The following DLG2 variants were observed in gnomAD, a reference collection of about 807,000 sequenced individuals.
DLG2 encodes discs large MAGUK scaffold protein 2.
A neutral mutation model predicts 132.5 loss-of-function variants in DLG2; 45 were observed. The observed-to-expected ratio is 0.34, with a 90% CI of 0.27 to 0.44. The LOEUF (loss-of-function observed/expected upper bound fraction) is 0.44, where lower values mean the gene tolerates loss of function less well. Among genes scored for constraint, DLG2 ranks in the 20% least tolerant of loss-of-function variants. The pLI is 1.00. For synonymous variants in DLG2, 424 were observed against 419.6 expected, an observed-to-expected ratio of 1.01 and a Z score of -0.13; for missense variants, 1,045 against 1,196.9, an observed-to-expected ratio of 0.87 and a Z score of 1.87.
chr11:84,098,817 T>C, intron 10 of DLG2, 106 bp downstream of exon 10: 2 of 1,338,202 alleles, frequency 1.5e-6, no homozygotes, highest in Non-Finnish European at 2.0e-6. Flanking sequence ...AAAATCTCTT[T>C]CAAGTACAGA....
chr11:85,071,352 A>G (rs1259206877), intron 6 of DLG2, among the ~76,000 whole-genome samples: 1 of 151,886 alleles, frequency 6.6e-6, no homozygotes, highest in Non-Finnish European at 1.5e-5. Flanking sequence ...AAGCCAACCC[A>G]GACAAAATGA....
chr11:84,714,641 C>CTT (rs1446736393), intron 6 of DLG2, among the ~76,000 whole-genome samples: 56 of 135,060 alleles, frequency 4.1e-4, no homozygotes, highest in African/African-American at 1.7e-3. Flanking sequence ...CTCTCTCTCT[C>CTT]TCTCTTTCTC....
chr11:84,273,327 A>AC, intron 7 of DLG2: 2 of 1,384,220 alleles, frequency 1.4e-6, no homozygotes, highest in Non-Finnish European at 1.9e-6. Flanking sequence ...AAAAAAAAAA[A>AC]AACCCTGCAG....
intron 6 of DLG2, among the ~76,000 whole-genome samples, chr11:85,001,015 C>G (rs1408733526): frequency 6.6e-6 from 1 of 152,098 alleles, no homozygotes; most frequent in Non-Finnish European, 1.5e-5. Flanking sequence ...GAACCCCATG[C>G]ATTTTTAGCA....
At chr11:85,056,701 A>T (rs2063498941) in intron 6 of DLG2, among the ~76,000 whole-genome samples, 1 of 151,920 alleles carries the variant, frequency 6.6e-6, no homozygotes, top group East Asian at 1.9e-4. Flanking sequence ...CAAAACATAC[A>T]ATAATCAAAT....
At chr11:84,875,777 C>T (rs2086251882) in intron 6 of DLG2, among the ~76,000 whole-genome samples, 1 of 152,090 alleles carries the variant, frequency 6.6e-6, no homozygotes, top group Non-Finnish European at 1.5e-5. Context: ...ACTTTTGTCG[C>T]CCAGGCTGGA....
At chr11:85,003,499 C>T (rs2058385656) in intron 6 of DLG2, among the ~76,000 whole-genome samples, 2 of 152,156 alleles carry the variant, frequency 1.3e-5, no homozygotes, top group South Asian at 2.1e-4. Flanking sequence ...TGTATAGGAA[C>T]TATTAGCATA....
intron 6 of DLG2, among the ~76,000 whole-genome samples, chr11:85,019,729 T>G: frequency 6.6e-6 from 1 of 152,214 alleles, no homozygotes; most frequent in South Asian, 2.1e-4. Flanking sequence ...TTTGGTTTTC[T>G]GTCTTTGTGA....
intron 7 of DLG2, among the ~76,000 whole-genome samples, chr11:84,251,843 T>C (rs980335676): frequency 2.6e-5 from 4 of 151,788 alleles, no homozygotes; most frequent in African/African-American, 9.7e-5. Flanking sequence ...GTTTCCCACA[T>C]TGGCCAGGAT....
chr11:83,993,550 A>G (rs886871870), intron 11 of DLG2, among the ~76,000 whole-genome samples: 2 of 152,166 alleles, frequency 1.3e-5, no homozygotes, highest in Non-Finnish European at 2.9e-5. Flanking sequence ...TTCATCCTTA[A>G]AGATCAAATA....
chr11:85,346,715 C>G lies in DLG2; in HGVS notation c.41-61350G>C, dbSNP rs533484338. Among the ~76,000 whole-genome samples the G allele has an allele frequency of 7.2e-5, 11 of 152,226 alleles. No individual in the cohort carries two copies. In the East Asian group the frequency reaches 1.9e-3, roughly 27 times the overall value. ...GTCCTAGCCTCATTTTCCTAGCCCT[C>G]ACTCAAAATGGAGTCGCTTTGGTTC... On this transcript the variant is annotated intron_variant, in intron 3 of 27. Transcript: ENST00000376104.
chr11:84,937,383 C>CG (rs2048873929), intron 6 of DLG2, among the ~76,000 whole-genome samples: 4 of 68,022 alleles, frequency 5.9e-5, no homozygotes, highest in African/African-American at 4.0e-4. Flanking sequence ...TCATACCAGA[C>CG]CAAAAAAAAA....
chr11:85,090,704 T>C (rs1277145411), intron 6 of DLG2, among the ~76,000 whole-genome samples: 2 of 152,206 alleles, frequency 1.3e-5, no homozygotes, highest in Non-Finnish European at 2.9e-5. Context: ...CAGAGATACT[T>C]CAGGTTCAGT....
intron 6 of DLG2, among the ~76,000 whole-genome samples, chr11:85,029,687 A>G (rs992094571): frequency 1.3e-5 from 2 of 152,176 alleles, no homozygotes; most frequent in African/African-American, 4.8e-5. Context: ...TTTTCTGTAC[A>G]TTATGAACTA....
intron 7 of DLG2, among the ~76,000 whole-genome samples, chr11:84,504,002 T>C (rs2099230729): frequency 6.6e-6 from 1 of 152,212 alleles, no homozygotes; most frequent in Non-Finnish European, 1.5e-5. Flanking sequence ...ATCACTGAAA[T>C]ACGGATGTAG....
chr11:84,618,380 C>T (rs2099608201), intron 6 of DLG2, among the ~76,000 whole-genome samples: 2 of 152,002 alleles, frequency 1.3e-5, no homozygotes, highest in African/African-American at 2.4e-5. Flanking sequence ...AGCCGTCCTG[C>T]TATAATACGT....
chr11:84,748,070 G>A (rs1403757767), intron 6 of DLG2, among the ~76,000 whole-genome samples: 1 of 152,186 alleles, frequency 6.6e-6, no homozygotes, highest in Non-Finnish European at 1.5e-5. Context: ...GGTTTCTTGA[G>A]TAGAATCAAA....
intron 18 of DLG2, among the ~76,000 whole-genome samples, chr11:83,677,621 G>T (rs1012920848): frequency 1.3e-5 from 2 of 151,660 alleles, no homozygotes; most frequent in African/African-American, 2.4e-5. Flanking sequence ...AATACTAAAA[G>T]AAATAAAAAT....
rs1259116135 is a variant in DLG2, at chr11:85,050,154, A to ACACACACACACG, written c.357+61506_357+61507insCGTGTGTGTGTG. On this transcript the variant is annotated intron_variant, in intron 6 of 27. Transcript: ENST00000376104. ...CACACACACACACACACACACACAC[A>ACACACACACACG]CTGCACACATACATCTTCTGAACTG... 4.1e-4 allele frequency among the ~76,000 whole-genome samples: 62 copies of ACACACACACACG among 150,272 alleles called. 1 individual carries two copies. The highest frequency in any genetic ancestry group is 7.9e-4 in the Non-Finnish European group (53 of 67,324).
Sources: gnomAD v4.1 joint callset for allele counts (sites outside exome capture counted in the v4.1 genomes callset) on GRCh38, gnomAD v4.1.1 for gene constraint, MANE v1.5 for transcripts, NCBI Gene and HGNC (gene_info 2026-07-23, HGNC 2026-07-21) for gene names.